PTPRZ1: variants seen among roughly 807,000 people sequenced by gnomAD.
The protein encoded by PTPRZ1 is protein tyrosine phosphatase receptor type Z1.
Under a neutral mutation model 214.1 loss-of-function variants are expected in PTPRZ1, and 82 were observed. The observed-to-expected ratio is 0.38, with a 90% CI of 0.32 to 0.46. PTPRZ1 has a LOEUF of 0.46. PTPRZ1 is among the 20% of genes least tolerant of loss of function. The pLI is 1.00. For synonymous variants in PTPRZ1, 945 were observed against 987.9 expected, an observed-to-expected ratio of 0.96 and a Z score of 0.81; for missense variants, 2,603 against 2,748.7, an observed-to-expected ratio of 0.95 and a Z score of 1.19.
In PTPRZ1 at chr7:122,018,009, A is replaced by G. The variant is rs142599150; in HGVS notation, c.4844-1115A>G. Among the ~76,000 whole-genome samples, 107 of 152,286 alleles carry G rather than the reference A, an allele frequency of 7.0e-4. 1 individual carries two copies. In the East Asian group the frequency reaches 0.019, roughly 27 times the overall value. The stretch of plus-strand genomic sequence containing the variant: ...TTTAATGCTATATATGTGCACTTAT[A>G]TTAGTCTCAATTTTCTTAAATACAT... On this transcript the variant is annotated intron_variant, in intron 12 of 29. Transcript: ENST00000393386.
intron 1 of PTPRZ1, among the ~76,000 whole-genome samples, chr7:121,889,963 T>A (rs1310396185): frequency 6.6e-6 from 1 of 152,174 alleles, no homozygotes; most frequent in Non-Finnish European, 1.5e-5. Context: ...TACATTGTAC[T>A]CCACTGTCTT....
intron 23 of PTPRZ1, among the ~76,000 whole-genome samples, chr7:122,046,417 A>G (rs1791984303): frequency 6.6e-6 from 1 of 152,150 alleles, no homozygotes; most frequent in Non-Finnish European, 1.5e-5. Context: ...CTAAAAAAAT[A>G]AAAAAGAAAG....
At chr7:121,988,822 G>A (rs952718610) in intron 8 of PTPRZ1, among the ~76,000 whole-genome samples, 1 of 152,188 alleles carries the variant, frequency 6.6e-6, no homozygotes, top group Non-Finnish European at 1.5e-5. Context: ...ACAGGTTGGA[G>A]CCAAGTTCTT....
rs150714542 is a variant in PTPRZ1 at position 121,957,924 on chromosome 7, G to A, written c.125-10027G>A. 3.4e-4 allele frequency among the ~76,000 whole-genome samples: 51 copies of A among 152,168 alleles called. 1 individual carries two copies. The highest frequency in any genetic ancestry group is 9.9e-4 in the African/African-American group (41 of 41,526). On this transcript the variant is annotated intron_variant, in intron 2 of 29. Transcript: ENST00000393386. ...TCTCTTGTGCTTCTTTCCTCCGTTA[G>A]GCTAATAATAGTCTATTCATGCTTT...
intron 1 of PTPRZ1, among the ~76,000 whole-genome samples, chr7:121,895,591 G>A (rs1794762797): frequency 6.6e-6 from 1 of 152,044 alleles, no homozygotes; most frequent in Non-Finnish European, 1.5e-5. Flanking sequence ...TTATTTTATT[G>A]TAAACATTGC....
chr7:121,959,819 T>A (rs982030786), intron 2 of PTPRZ1, among the ~76,000 whole-genome samples: 1 of 152,232 alleles, frequency 6.6e-6, no homozygotes, highest in Non-Finnish European at 1.5e-5. Context: ...GATAGCTTTA[T>A]ACTGTTTAAA....
At chr7:121,875,591 G>T (rs894257510) in intron 1 of PTPRZ1, among the ~76,000 whole-genome samples, 2 of 152,222 alleles carry the variant, frequency 1.3e-5, no homozygotes, top group African/African-American at 4.8e-5. Flanking sequence ...ACAAGCTTAT[G>T]TAATGCTACT....
intron 23 of PTPRZ1, among the ~76,000 whole-genome samples, chr7:122,049,497 G>A (rs2150487052): frequency 6.6e-6 from 1 of 152,102 alleles, no homozygotes; most frequent in African/African-American, 2.4e-5. Flanking sequence ...TTAGCTTTGA[G>A]TGATTAGAAA....
intron 23 of PTPRZ1, among the ~76,000 whole-genome samples, chr7:122,046,054 A>G (rs2150483645): frequency 6.6e-6 from 1 of 152,322 alleles, no homozygotes; most frequent in South Asian, 2.1e-4. Flanking sequence ...ATTAGGGCGC[A>G]AACAAGAATT....
At chr7:122,023,548 A>T in intron 13 of PTPRZ1, among the ~76,000 whole-genome samples, 1 of 133,632 alleles carries the variant, frequency 7.5e-6, no homozygotes, top group African/African-American at 2.8e-5. Context: ...TTTATATATA[A>T]TTATATATAT....
chr7:122,028,528 T>C (rs771991843), intron 13 of PTPRZ1, 24 bp from the exon 14 acceptor site: 1 of 1,488,524 alleles, frequency 6.7e-7, no homozygotes, highest in South Asian at 1.1e-5. Context: ...ACTAGTAGTA[T>C]AAATTGTGTT....
intron 1 of PTPRZ1, among the ~76,000 whole-genome samples, chr7:121,903,964 TCTCACA>T (rs1317681769): frequency 2.5e-5 from 2 of 81,616 alleles, no homozygotes; most frequent in African/African-American, 1.1e-4. Flanking sequence ...AGTCTTTAAA[TCTCACA>T]CACACACACA....
intron 18 of PTPRZ1, 142 bp from the exon 19 acceptor site, chr7:122,038,613 C>G: frequency 1.8e-6 from 1 of 553,378 alleles, no homozygotes. Flanking sequence ...TTGGTACCAT[C>G]AAATTTCTCC....
chr7:122,036,729 AATT>A (rs778505688), intron 18 of PTPRZ1, 47 bp downstream of exon 18: 1 of 1,312,886 alleles, frequency 7.6e-7, no homozygotes, highest in African/African-American at 1.5e-5. Flanking sequence ...TATTAGACTG[AATT>A]ATTATACCAT....
At chr7:122,040,786 G>A in intron 20 of PTPRZ1, 30 bp from the exon 21 acceptor site, 1 of 1,310,916 alleles carries the variant, frequency 7.6e-7, no homozygotes, top group Non-Finnish European at 1.0e-6. Context: ...GTGTGTGTTT[G>A]ACTGTTATTA....
intron 2 of PTPRZ1, among the ~76,000 whole-genome samples, chr7:121,962,013 A>G (rs1053936190): frequency 6.6e-6 from 1 of 152,210 alleles, no homozygotes; most frequent in East Asian, 1.9e-4. Context: ...CCTTCACAAT[A>G]GTTCCTAATA....
At position 121,984,577 on chromosome 7, in the gene PTPRZ1, A is replaced by G. The variant is rs140764505; in HGVS notation, c.928+460A>G. On this transcript the variant is annotated intron_variant, in intron 8 of 29. Coordinates refer to ENST00000393386, the MANE Select transcript of PTPRZ1 (RefSeq NM_002851.3). The stretch of plus-strand genomic sequence containing the variant: ...CCTTTGAACTGAGTCTTGACACAGT[A>G]TTTGGGTTTTAAAGTGCTCATCTTT... Among the ~76,000 whole-genome samples the G allele has an allele frequency of 8.5e-5, 13 of 152,306 alleles. No individual in the cohort carries two copies. In the East Asian group the frequency reaches 2.5e-3, roughly 29 times the overall value.
intron 13 of PTPRZ1, among the ~76,000 whole-genome samples, chr7:122,021,156 G>C (rs534013890): frequency 6.6e-5 from 10 of 151,766 alleles, no homozygotes; most frequent in African/African-American, 2.2e-4. Context: ...ATAATTATAA[G>C]ATTGAAATTC....
Position 122,054,927 on chromosome 7 carries a change from T to G in PTPRZ1, c.6382-14T>G, listed in dbSNP as rs1273696482. 3 of 1,577,348 alleles carry G rather than the reference T, an allele frequency of 1.9e-6. No homozygotes were observed. Among genetic ancestry groups the G allele is most frequent in the Non-Finnish European group, 2.6e-6 (3 of 1,165,570 alleles). On this transcript the variant is annotated splice_polypyrimidine_tract_variant and intron_variant, in intron 26 of 29. Coordinates refer to ENST00000393386, the MANE Select transcript of PTPRZ1 (RefSeq NM_002851.3). ...ATTAAAATCTAGACTCTTCTTTCAT[T>G]TGCAATTCTGCAGGCAGAAGATGAA...
Sources: gnomAD v4.1 joint callset for allele counts (sites outside exome capture counted in the v4.1 genomes callset) on GRCh38, gnomAD v4.1.1 for gene constraint, MANE v1.5 for transcripts, NCBI Gene and HGNC (gene_info 2026-07-23, HGNC 2026-07-21) for gene names.